The following KCNT1 variants were observed in gnomAD, a reference collection of about 807,000 sequenced individuals.
KCNT1 encodes the protein potassium channel subfamily T member 1.
Under a neutral mutation model 147.8 loss-of-function variants are expected in KCNT1, and 78 were observed. The observed-to-expected ratio is 0.53, with a 90% CI of 0.44 to 0.64. The LOEUF is 0.64. KCNT1 is among the 30% of genes least tolerant of loss of function. KCNT1 has a pLI of 0.00. For synonymous variants in KCNT1, 867 were observed against 748.8 expected (o/e 1.16, Z -2.58); for missense variants, 1,419 against 1,750.3 (o/e 0.81, Z 3.38).
chr9:135,751,110 C>G (rs745485101), intron 4 of KCNT1, 69 bp downstream of exon 4: 1 of 1,432,116 alleles, frequency 7.0e-7, no homozygotes, highest in Non-Finnish European at 9.7e-7. Flanking sequence ...TGGGCCGTTA[C>G]AGAAGCTGAT....
Position 135,752,003 on chromosome 9 carries a change from C to T in KCNT1, c.434+962C>T. On this transcript the variant is annotated intron_variant, in intron 4 of 30. Coordinates refer to ENST00000371757, the MANE Select transcript of KCNT1 (RefSeq NM_020822.3). This position sits in a 1 kb window ranked among gnomAD's most constrained non-coding sequence, Gnocchi z 5.1. ...TTTTACGCTTTCCCCATCTGCTGGG[C>T]CTGTTTCTCCCGAGCTCACATTGGG... is the stretch of plus-strand genomic sequence containing the variant. 4.9e-6 allele frequency: 1 copy of T among 203,274 alleles called. No individual in the cohort carries two copies. The highest frequency in any genetic ancestry group is 1.0e-5 in the Non-Finnish European group (1 of 99,456). The allele number at this position is 203,274 out of a possible 1,614,324, so 12.6% of individuals were successfully genotyped here. A position where few individuals can be genotyped will look rare whatever the true frequency, so the allele number is the denominator to read the frequency against.
rs543252070 is a variant in KCNT1 at position 135,734,270 on chromosome 9, C to T, written c.255-15828C>T. 2.5e-3 allele frequency among the ~76,000 whole-genome samples: 379 copies of T among 152,274 alleles called. 1 individual carries two copies. The highest frequency in any genetic ancestry group is 8.8e-3 in the African/African-American group (364 of 41,544). The stretch of plus-strand genomic sequence containing the variant: ...TCAAGGCTCACGTGGCTCTGTGGAC[C>T]CCGAGCCTGGGGCCCCAGCCCACCT... On this transcript the variant is annotated intron_variant, in intron 2 of 30. Coordinates refer to ENST00000371757, the MANE Select transcript of KCNT1 (RefSeq NM_020822.3).
At chr9:135,780,599 C>T (rs1833540649) in intron 24 of KCNT1, among the ~76,000 whole-genome samples, 1 of 152,190 alleles carries the variant, frequency 6.6e-6, no homozygotes, top group Non-Finnish European at 1.5e-5. Context: ...TTAGAGATGC[C>T]AGCCTGAGGC....
intron 24 of KCNT1, among the ~76,000 whole-genome samples, chr9:135,780,465 G>C (rs1588389856): frequency 6.6e-6 from 1 of 152,346 alleles, no homozygotes; most frequent in East Asian, 1.9e-4. Flanking sequence ...ACCCGATGGA[G>C]AGTGAAAGTG....
chr9:135,725,346 G>A (rs1836091523), intron 2 of KCNT1, among the ~76,000 whole-genome samples: 1 of 152,234 alleles, frequency 6.6e-6, no homozygotes, highest in Non-Finnish European at 1.5e-5. Context: ...GGATCTCAAG[G>A]TGAGGCCATT....
In KCNT1 at chr9:135,760,802, C is replaced by T. The variant is rs181284302; in HGVS notation, c.1035+943C>T. Among the ~76,000 whole-genome samples, 7 of 152,236 alleles carry T rather than the reference C, an allele frequency of 4.6e-5. No homozygotes were observed. In the South Asian group the frequency reaches 6.2e-4, roughly 14 times the overall value. Reference sequence around the variant, plus strand: ...CTGTTCTCCTGAGTTCAGATGGGGCCGTGCGCGTCTTTCCATCTGGTTGTC... The same window carrying T: ...CTGTTCTCCTGAGTTCAGATGGGGCTGTGCGCGTCTTTCCATCTGGTTGTC... On this transcript the variant is annotated intron_variant, in intron 11 of 30. Transcript: ENST00000371757.
chr9:135,721,538 G>A (rs1835925920), intron 2 of KCNT1, among the ~76,000 whole-genome samples: 1 of 152,222 alleles, frequency 6.6e-6, no homozygotes, highest in South Asian at 2.1e-4. Flanking sequence ...CCGGGGGAGG[G>A]TGCCGGCCAT....
At chr9:135,754,306 G>A (rs1041143044) in intron 5 of KCNT1, among the ~76,000 whole-genome samples, 1 of 152,160 alleles carries the variant, frequency 6.6e-6, no homozygotes, top group East Asian at 1.9e-4. Context: ...TGCTGGGAAT[G>A]TCCCCTTCAA....
At chr9:135,719,890 C>A (rs929658622) in intron 2 of KCNT1, among the ~76,000 whole-genome samples, 3 of 152,208 alleles carry the variant, frequency 2.0e-5, no homozygotes, top group Non-Finnish European at 2.9e-5. Context: ...TGCCCCAGAG[C>A]GGCCTGACCA....
intron 12 of KCNT1, among the ~76,000 whole-genome samples, chr9:135,765,409 CCT>C (rs1368414046): frequency 6.6e-6 from 1 of 152,100 alleles, no homozygotes; most frequent in Non-Finnish European, 1.5e-5. Context: ...GTCCCTGAGT[CCT>C]CTCAGCCTCA....
intron 29 of KCNT1, chr9:135,790,898 G>T (rs1834447748): frequency 6.6e-6 from 1 of 152,300 alleles, no homozygotes; most frequent in Non-Finnish European, 1.5e-5. Context: ...TGCTGGGATG[G>T]TGGCCTCTCC....
intron 2 of KCNT1, chr9:135,736,855 C>T (rs1830362352): frequency 6.6e-6 from 2 of 303,784 alleles, no homozygotes; most frequent in Non-Finnish European, 1.2e-5. Flanking sequence ...GCTGCGCTGG[C>T]TGGGCTGCAC....
chr9:135,777,610 C>T lies in KCNT1; in HGVS notation c.2522+100C>T, dbSNP rs1361877440. 8.6e-6 allele frequency: 10 copies of T among 1,156,440 alleles called. No homozygotes were observed. In the East Asian group the frequency reaches 1.8e-4, roughly 21 times the overall value. 71.6% of individuals were successfully genotyped at this position (1,156,440 alleles called of 1,614,324 possible). A position where few individuals can be genotyped will look rare whatever the true frequency, so the allele number is the denominator to read the frequency against. ...GCCCACCCTTCGCCTTTGCAGAGGG[C>T]ACGGGAACATGGGGCCTCTGGCCTG... On this transcript the variant is annotated intron_variant, in intron 21 of 30. Coordinates refer to ENST00000371757, the MANE Select transcript of KCNT1 (RefSeq NM_020822.3).
chr9:135,771,271 A>G, intron 18 of KCNT1, 176 bp downstream of exon 18: 1 of 635,504 alleles, frequency 1.6e-6, no homozygotes, highest in Non-Finnish European at 2.7e-6. Context: ...ACGGGAGACC[A>G]GGCAGGGCGG....
At chr9:135,728,943 C>A (rs1836325131) in intron 2 of KCNT1, among the ~76,000 whole-genome samples, 1 of 152,140 alleles carries the variant, frequency 6.6e-6, no homozygotes, top group African/African-American at 2.4e-5. Context: ...AACTGTGTCC[C>A]CCAAGATTTA....
intron 2 of KCNT1, among the ~76,000 whole-genome samples, chr9:135,719,377 C>T (rs1353691024): frequency 2.6e-5 from 4 of 152,170 alleles, no homozygotes; most frequent in Non-Finnish European, 5.9e-5. Flanking sequence ...TGGTCTGTGG[C>T]AGTGGAGGTG....
intron 2 of KCNT1, among the ~76,000 whole-genome samples, chr9:135,729,115 C>T (rs150228412): frequency 6.6e-6 from 1 of 152,282 alleles, no homozygotes; most frequent in East Asian, 1.9e-4. Context: ...CAGGTATACA[C>T]GGGAGATATA....
intron 12 of KCNT1, among the ~76,000 whole-genome samples, 174 bp downstream of exon 12, chr9:135,765,369 TGCCATCCTCTCCCC>T (rs1832194170): frequency 1.8e-5 from 1 of 55,192 alleles, no homozygotes; most frequent in Non-Finnish European, 3.9e-5. Flanking sequence ...TCCCCAGGAC[TGCCATCCTCTCCCC>T]AGGACTGCTT....
In KCNT1 at chr9:135,768,649, G is replaced by A. The variant is rs1832499890; in HGVS notation, c.1377G>A (p.Arg459=). 15 of 1,550,496 alleles carry A rather than the reference G, an allele frequency of 9.7e-6. No homozygotes were observed. Among genetic ancestry groups the A allele is most frequent in the East Asian group, 2.4e-5 (1 of 40,868 alleles). The stretch of plus-strand genomic sequence containing the variant: ...AGGCCTGCTTCATCCTCAGCAGCAG[G>A]AACGAGGTGGACCGCACGGCTGCAG... The part of the protein sequence containing the change: ...NGEACFILSS[R]NEVDRTAADH... Residue 459 remains arginine (R), a synonymous_variant, in exon 14 of 31, where the codon AGG becomes AGA. Transcript: ENST00000371757.
Sources: gnomAD v4.1 joint callset for allele counts (sites outside exome capture counted in the v4.1 genomes callset) on GRCh38, gnomAD v4.1.1 for gene constraint, Gnocchi (gnomAD v3.1) non-coding constraint, MANE v1.5 for transcripts, NCBI Gene and HGNC (gene_info 2026-07-23, HGNC 2026-07-21) for gene names.